Variants in FHIT observed in about 807,000 individuals in gnomAD.
FHIT encodes the protein bis(5'-adenosyl)-triphosphatase.
Under a neutral mutation model 17.9 loss-of-function variants are expected in FHIT, and 19 were observed. The ratio of observed to expected loss-of-function variants is 1.06; its 90% CI spans 0.74 to 1.56. FHIT has a LOEUF of 1.56. Ranked by LOEUF, FHIT falls within the 40% of genes most tolerant of loss-of-function variation. The probability of loss-of-function intolerance (pLI) is 0.00; values close to 1 mark genes in which losing one functional copy is unlikely to be tolerated. For synonymous variants in FHIT, 81 were observed against 69.7 expected, an observed-to-expected ratio of 1.16 and a Z score of -0.81; for missense variants, 248 against 189.2, an observed-to-expected ratio of 1.31 and a Z score of -1.82.
At chr3:61,024,134 A>G (rs913421467) in intron 3 of FHIT, among the ~76,000 whole-genome samples, 1 of 152,112 alleles carries the variant, frequency 6.6e-6, no homozygotes, top group African/African-American at 2.4e-5. Context: ...GCTACTCATG[A>G]GAGTTATATT....
chr3:59,905,384 A>G (rs1261815443), intron 8 of FHIT, among the ~76,000 whole-genome samples: 1 of 152,206 alleles, frequency 6.6e-6, no homozygotes, highest in Non-Finnish European at 1.5e-5. Context: ...ACCAGGGGTC[A>G]GAATAGGGGA....
intron 4 of FHIT, among the ~76,000 whole-genome samples, chr3:60,542,352 G>GT (rs1397484614): frequency 1.3e-5 from 2 of 152,132 alleles, no homozygotes; most frequent in Non-Finnish European, 2.9e-5. Context: ...TGGGATTCAG[G>GT]TCAGATACTT....
chr3:60,879,175 C>T (rs971510930), intron 3 of FHIT, among the ~76,000 whole-genome samples: 9 of 152,096 alleles, frequency 5.9e-5, no homozygotes, highest in East Asian at 5.8e-4. Flanking sequence ...TTTTAATGAT[C>T]GCCATTCTAA....
At chr3:60,203,580 C>T (rs1289598795) in intron 5 of FHIT, among the ~76,000 whole-genome samples, 1 of 152,162 alleles carries the variant, frequency 6.6e-6, no homozygotes, top group African/African-American at 2.4e-5. Flanking sequence ...GTCTGTGTCT[C>T]CAGATGCACT....
chr3:60,423,367 T>A lies in FHIT; in HGVS notation c.103+113493A>T, dbSNP rs548531471. Among the ~76,000 whole-genome samples the A allele has an allele frequency of 9.2e-5, 14 of 152,220 alleles. No individual in the cohort carries two copies. The South Asian group carries it at 2.7e-3, about 29-fold the overall frequency. On this transcript the variant is annotated intron_variant, in intron 5 of 9. Transcript: ENST00000492590. Reference sequence around the variant, plus strand: ...TACAATGGGTTTTCTGAGTATGACATAAAACATTATAACCAACATACCCAG... The same window carrying A: ...TACAATGGGTTTTCTGAGTATGACAAAAAACATTATAACCAACATACCCAG...
chr3:60,396,582 A>G (rs1431839909), intron 5 of FHIT, among the ~76,000 whole-genome samples: 1 of 152,212 alleles, frequency 6.6e-6, no homozygotes, highest in East Asian at 1.9e-4. Flanking sequence ...TATATGAAAT[A>G]CCTAAAATAG....
At chr3:59,895,035 A>T (rs1419839965) in intron 8 of FHIT, among the ~76,000 whole-genome samples, 1 of 152,224 alleles carries the variant, frequency 6.6e-6, no homozygotes, top group East Asian at 1.9e-4. Context: ...TTTGTCCCAC[A>T]GGGGACATTT....
At chr3:61,104,418 G>A (rs1210952296) in intron 2 of FHIT, among the ~76,000 whole-genome samples, 1 of 152,250 alleles carries the variant, frequency 6.6e-6, no homozygotes, top group South Asian at 2.1e-4. Context: ...GGCTTGTAGG[G>A]TTTCTGCTAA....
At chr3:60,957,465 C>T (rs1553779351) in intron 3 of FHIT, among the ~76,000 whole-genome samples, 1 of 152,106 alleles carries the variant, frequency 6.6e-6, no homozygotes, top group African/African-American at 2.4e-5. Context: ...TCTTGATCTC[C>T]TGACCTTGTG....
chr3:60,357,390 C>G (rs1022440306), intron 5 of FHIT, among the ~76,000 whole-genome samples: 1 of 151,900 alleles, frequency 6.6e-6, no homozygotes, highest in African/African-American at 2.4e-5. Flanking sequence ...ATTACAGGCA[C>G]CCATCACCAC....
intron 2 of FHIT, among the ~76,000 whole-genome samples, chr3:61,048,840 C>A (rs1016092255): frequency 2.0e-5 from 3 of 151,990 alleles, no homozygotes; most frequent in African/African-American, 7.2e-5. Flanking sequence ...ATGGATGAAG[C>A]TGGAAACAAT....
chr3:59,783,328 G>A (rs1408820667), intron 8 of FHIT, among the ~76,000 whole-genome samples: 2 of 152,126 alleles, frequency 1.3e-5, no homozygotes, highest in East Asian at 3.9e-4. Context: ...AATTAGCTGG[G>A]GGTGGTGGCG....
chr3:59,966,197 C>T (rs1046295971), intron 7 of FHIT, among the ~76,000 whole-genome samples: 8 of 152,124 alleles, frequency 5.3e-5, no homozygotes, highest in Non-Finnish European at 1.0e-4. Flanking sequence ...TTCAACCTCC[C>T]ATTGGGCAAA....
intron 3 of FHIT, among the ~76,000 whole-genome samples, chr3:60,852,926 T>C (rs1165511278): frequency 6.6e-6 from 1 of 152,142 alleles, no homozygotes; most frequent in Non-Finnish European, 1.5e-5. Context: ...ATGGACAGCT[T>C]ATACATATAA....
chr3:60,177,239 C>A (rs1701718323), intron 5 of FHIT, among the ~76,000 whole-genome samples: 1 of 147,414 alleles, frequency 6.8e-6, no homozygotes. Context: ...GAGAGAGGGT[C>A]AGGGAAATAA....
At chr3:60,824,421 G>A (rs73109683) in intron 3 of FHIT, among the ~76,000 whole-genome samples, 3 of 152,096 alleles carry the variant, frequency 2.0e-5, no homozygotes, top group Non-Finnish European at 2.9e-5. Flanking sequence ...TGCCAGACCA[G>A]CCAAAGATAT....
At chr3:60,957,165 C>A (rs1275099917) in intron 3 of FHIT, among the ~76,000 whole-genome samples, 1 of 149,506 alleles carries the variant, frequency 6.7e-6, no homozygotes, top group Non-Finnish European at 1.5e-5. Context: ...CATTAAAAAA[C>A]AAAGAAATCA....
rs1272864632 is a variant in FHIT at position 60,955,633 on chromosome 3, T to TATATATATATAC, written c.-111+86413_-111+86414insGTATATATATAT. On this transcript the variant is annotated intron_variant, in intron 3 of 9. Coordinates refer to ENST00000492590, the MANE Select transcript of FHIT (RefSeq NM_002012.4). ...ATATATATATATATATATATATATA[T>TATATATATATAC]ACACACACACACATATATACATGTG... is the stretch of plus-strand genomic sequence containing the variant. 7.0e-3 allele frequency among the ~76,000 whole-genome samples: 276 copies of TATATATATATAC among 39,238 alleles called. 3 individuals are homozygous for TATATATATATAC. Among genetic ancestry groups the TATATATATATAC allele is most frequent in the African/African-American group, 0.02 (250 of 12,238 alleles). 25.7% of individuals were successfully genotyped at this position (39,238 alleles called of 152,430 possible). A position where few individuals can be genotyped will look rare whatever the true frequency, so the allele number is the denominator to read the frequency against.
At position 59,983,931 on chromosome 3, in the gene FHIT, G is replaced by C. The variant is rs1708769772; in HGVS notation, c.279+27440C>G. 2.0e-5 allele frequency among the ~76,000 whole-genome samples: 3 copies of C among 146,786 alleles called. No individual in the cohort carries two copies. In the South Asian group the frequency reaches 7.2e-4, roughly 35 times the overall value. On this transcript the variant is annotated intron_variant, in intron 7 of 9. Transcript: ENST00000492590. ...GAGTTGCTGCATAGACCAAAAACAA[G>C]AGCCTCTACGTACTGAAGTGATAGG... is the stretch of plus-strand genomic sequence containing the variant.
Sources: allele counts gnomAD v4.1 joint callset (sites outside exome capture counted in the v4.1 genomes callset), GRCh38; gene constraint gnomAD v4.1.1; transcripts MANE v1.5; gene names NCBI Gene and HGNC (gene_info 2026-07-23, HGNC 2026-07-21).